The following SAMD12 variants were observed in gnomAD, a reference collection of about 807,000 sequenced individuals.
The protein encoded by SAMD12 is sterile alpha motif domain containing 12.
SAMD12 carries 9 observed loss-of-function variants against 15.0 expected under a neutral mutation model. That is an observed-to-expected ratio of 0.60 (90% confidence interval 0.36 to 1.05). The LOEUF (loss-of-function observed/expected upper bound fraction) is 1.05. Among genes scored for constraint, SAMD12 ranks in the 50% least tolerant of loss-of-function variants. The pLI is 0.01. For missense variants in SAMD12, 230 were observed against 234.2 expected (o/e 0.98, Z 0.12); for synonymous variants, 86 against 90.1 (o/e 0.96, Z 0.25).
intron 2 of SAMD12, among the ~76,000 whole-genome samples, chr8:118,453,390 T>C (rs767807350): frequency 2.6e-5 from 4 of 152,336 alleles, no homozygotes; most frequent in East Asian, 3.9e-4. Context: ...CCACTAACAA[T>C]CACAAATAAG....
At chr8:118,485,885 T>G (rs545488261) in intron 2 of SAMD12, among the ~76,000 whole-genome samples, 1 of 152,192 alleles carries the variant, frequency 6.6e-6, no homozygotes, top group Non-Finnish European at 1.5e-5. Flanking sequence ...CACTATGGGA[T>G]AGAATTGAAC....
At chr8:118,136,356 G>A in the SAMD12 span, among the ~76,000 whole-genome samples, 28 of 152,282 alleles carry the variant, frequency 1.8e-4, no homozygotes, top group African/African-American at 5.5e-4. Context: ...TGATACTTAC[G>A]TCAATTCTCA....
intron 3 of SAMD12, among the ~76,000 whole-genome samples, chr8:118,386,650 C>T (rs1819979850): frequency 1.3e-5 from 2 of 152,174 alleles, no homozygotes; most frequent in Admixed American, 6.5e-5. Flanking sequence ...AGTGTCCTGC[C>T]TAAAACAGCA....
At chr8:118,187,463 A>T (rs890555243), downstream of SAMD12, among the ~76,000 whole-genome samples, 1 of 152,236 alleles carries the variant, frequency 6.6e-6, no homozygotes, top group Non-Finnish European at 1.5e-5. Flanking sequence ...AATGCATTTA[A>T]GGATTTCTCT....
At chr8:118,595,712 C>T (rs1678219648) in intron 1 of SAMD12, among the ~76,000 whole-genome samples, 1 of 152,228 alleles carries the variant, frequency 6.6e-6, no homozygotes, top group South Asian at 2.1e-4. Context: ...TGGCTCTCTC[C>T]CATGAGTCAA....
chr8:118,486,224 C>G lies in SAMD12; in HGVS notation c.193-46263G>C, dbSNP rs766660316. 2.0e-4 allele frequency among the ~76,000 whole-genome samples: 30 copies of G among 151,914 alleles called. No homozygotes were observed. The South Asian group carries it at 4.4e-3, about 22-fold the overall frequency. ...GGTCAGGAGATAGAGACCATCCTGG[C>G]TAACACGGTGAAACTCCGTCTCTAC... On this transcript the variant is annotated intron_variant, in intron 2 of 3. Transcript: ENST00000314727.
chr8:118,210,057 C>A (rs1174805435), intron 4 of SAMD12, among the ~76,000 whole-genome samples: 1 of 152,216 alleles, frequency 6.6e-6, no homozygotes, highest in East Asian at 1.9e-4. Context: ...TGCTTTCACA[C>A]ATTTAATTGC....
intron 1 of SAMD12, among the ~76,000 whole-genome samples, chr8:118,586,975 C>A (rs1311700127): frequency 2.0e-5 from 3 of 152,184 alleles, no homozygotes; most frequent in African/African-American, 7.2e-5. Flanking sequence ...AATCACAAAA[C>A]CATAAAGCTA....
At chr8:118,281,143 C>G (rs1054136981) in intron 4 of SAMD12, among the ~76,000 whole-genome samples, 7 of 151,994 alleles carry the variant, frequency 4.6e-5, no homozygotes, top group African/African-American at 1.7e-4. Context: ...TTCCTAAAGT[C>G]AAAAAATTGT....
intron 4 of SAMD12, among the ~76,000 whole-genome samples, chr8:118,306,694 C>T (rs886626706): frequency 4.6e-5 from 7 of 152,206 alleles, no homozygotes; most frequent in Non-Finnish European, 1.0e-4. Context: ...TTTGTCTAAG[C>T]TGCTGCTATT....
the SAMD12 span, among the ~76,000 whole-genome samples, chr8:118,151,860 A>G: frequency 3.3e-5 from 5 of 150,836 alleles, no homozygotes; most frequent in East Asian, 9.7e-4. Context: ...AAAGATTTTG[A>G]AGTACCAAAA....
chr8:118,157,317 C>A, the SAMD12 span, among the ~76,000 whole-genome samples: 2 of 152,078 alleles, frequency 1.3e-5, no homozygotes, highest in African/African-American at 4.8e-5. Flanking sequence ...TCTCTCCAAG[C>A]CTCAGACTCT....
At chr8:118,260,518 A>G (rs1813052292) in intron 4 of SAMD12, among the ~76,000 whole-genome samples, 1 of 152,062 alleles carries the variant, frequency 6.6e-6, no homozygotes, top group African/African-American at 2.4e-5. Context: ...GTTGTGCTGG[A>G]TTCTTCCCTT....
chr8:118,615,679 T>C (rs1828222456), intron 1 of SAMD12, among the ~76,000 whole-genome samples: 1 of 152,206 alleles, frequency 6.6e-6, no homozygotes. Flanking sequence ...TCATCCACTG[T>C]GACTCAGCAT....
At chr8:118,369,075 A>T (rs1377201182) in intron 4 of SAMD12, among the ~76,000 whole-genome samples, 1 of 152,126 alleles carries the variant, frequency 6.6e-6, no homozygotes, top group Non-Finnish European at 1.5e-5. Flanking sequence ...TAGAATGGGC[A>T]CTCCCTTTTT....
chr8:118,283,524 A>G (rs2130178388), intron 4 of SAMD12, among the ~76,000 whole-genome samples: 1 of 152,282 alleles, frequency 6.6e-6, no homozygotes, highest in Non-Finnish European at 1.5e-5. Flanking sequence ...TGGCCTTGTA[A>G]TCCTCCTCTA....
intron 1 of SAMD12, among the ~76,000 whole-genome samples, chr8:118,601,423 G>A (rs2460964): frequency 0.77 from 116,679 of 152,098 alleles, 46,838 homozygotes; most frequent in Middle Eastern, 0.89. Flanking sequence ...CCTAGACAGT[G>A]ACTCTTCTTT....
At chr8:118,296,119 G>C (rs79695907) in intron 4 of SAMD12, among the ~76,000 whole-genome samples, 1 of 152,126 alleles carries the variant, frequency 6.6e-6, no homozygotes, top group Non-Finnish European at 1.5e-5. Context: ...TACATATGTA[G>C]GTTTGACATT....
At chr8:118,184,703 C>T (rs567636475), downstream of SAMD12, among the ~76,000 whole-genome samples, 36 of 152,094 alleles carry the variant, frequency 2.4e-4, no homozygotes, top group East Asian at 6.4e-3. Flanking sequence ...CACCATCTTG[C>T]CCAGGCTCAT....
Sources: allele counts gnomAD v4.1 joint callset (sites outside exome capture counted in the v4.1 genomes callset), GRCh38; gene constraint gnomAD v4.1.1; transcripts MANE v1.5; gene names NCBI Gene and HGNC (gene_info 2026-07-23, HGNC 2026-07-21).